FOXO3B: variants seen among roughly 807,000 people sequenced by gnomAD.
FOXO3B encodes the protein forkhead box protein O3B.
A neutral mutation model predicts 21.9 loss-of-function variants in FOXO3B; 15 were observed. The observed-to-expected ratio is 0.68, with a 90% CI of 0.46 to 1.05. The LOEUF (loss-of-function observed/expected upper bound fraction) is 1.05. Ranked by LOEUF, FOXO3B falls within the 50% of genes least tolerant of loss-of-function variation. The pLI is 0.00. For missense variants in FOXO3B, 293 were observed against 435.5 expected (o/e 0.67, Z 2.91); for synonymous variants, 135 against 213.6 (o/e 0.63, Z 3.21).
chr17:18,675,916 A>T (rs201154553), intron 3 of FOXO3B, among the ~76,000 whole-genome samples: 3 of 152,164 alleles, frequency 2.0e-5, no homozygotes, highest in South Asian at 4.1e-4. Context: ...TTAAAAAAAA[A>T]TTTGTTATTA....
intron 3 of FOXO3B, among the ~76,000 whole-genome samples, chr17:18,675,132 C>T (rs1187756142): frequency 1.0e-4 from 15 of 150,276 alleles, no homozygotes; most frequent in African/African-American, 3.7e-4. Flanking sequence ...AAGATACACT[C>T]AGAGAAGTAA....
chr17:18,670,143 T>C lies in FOXO3B; in HGVS notation c.*2166A>G, dbSNP rs1462420436. On this transcript the variant is annotated 3_prime_UTR_variant, in exon 4 of 4. Transcript: ENST00000395675. Reference sequence around the variant, plus strand: ...CCGTAGACCTGGTGCTGGGGTCCCGTCCACAGATCACCCTGACTCAGAACT... The same window carrying C: ...CCGTAGACCTGGTGCTGGGGTCCCGCCCACAGATCACCCTGACTCAGAACT... Among the ~76,000 whole-genome samples the C allele has an allele frequency of 6.6e-6, 1 of 152,130 alleles. No homozygotes were observed. The highest frequency in any genetic ancestry group is 2.4e-5 in the African/African-American group (1 of 41,406).
chr17:18,675,688 T>C (rs572432278), intron 3 of FOXO3B, among the ~76,000 whole-genome samples: 1 of 152,284 alleles, frequency 6.6e-6, no homozygotes, highest in South Asian at 2.1e-4. Flanking sequence ...GCTGAGGAAC[T>C]GGGTTTACCA....
intron 3 of FOXO3B, among the ~76,000 whole-genome samples, chr17:18,678,186 T>C (rs1014465762): frequency 1.2e-4 from 18 of 152,104 alleles, no homozygotes; most frequent in Non-Finnish European, 2.5e-4. Context: ...AACAGAATTA[T>C]AAAAATCACA....
intron 2 of FOXO3B, 136 bp downstream of exon 2, chr17:18,681,479 C>G (rs1307428302): frequency 9.4e-7 from 1 of 1,058,950 alleles, no homozygotes; most frequent in African/African-American, 1.8e-5. Context: ...TTCAGTCTCA[C>G]TTAAAAAGCC....
chr17:18,674,960 C>T (rs1248299860), intron 3 of FOXO3B, among the ~76,000 whole-genome samples: 1 of 152,160 alleles, frequency 6.6e-6, no homozygotes, highest in East Asian at 1.9e-4. Flanking sequence ...GCCTGTACTC[C>T]TCTGGTTCAC....
chr17:18,672,558 T>C lies in FOXO3B; in HGVS notation c.624A>G (p.Thr208=), dbSNP rs967598454. Residue 208 remains threonine (T), a synonymous_variant, in exon 4 of 4, where the codon ACA becomes ACG. Transcript: ENST00000395675. This position sits in a 1 kb window ranked among gnomAD's most constrained non-coding sequence, Gnocchi z 4.2. ...ATAAGGLSGG[T]QALLQPQQPL... is the part of the protein sequence containing the mutation. ...GTTGCTGAGGCTGCAGCAGCGCCTGTGTACCCCCGCTCAGCCCGCCCGCCG... is the reference window on the plus strand; with the variant it reads ...GTTGCTGAGGCTGCAGCAGCGCCTGCGTACCCCCGCTCAGCCCGCCCGCCG... 4 of 1,453,576 alleles carry C rather than the reference T, an allele frequency of 2.8e-6. No homozygotes were observed. The Admixed American group carries it at 8.0e-5, about 29-fold the overall frequency. The allele number at this position is 1,453,576 out of a possible 1,614,324, so 90.0% of individuals were successfully genotyped here. A position where few individuals can be genotyped will look rare whatever the true frequency, so the allele number is the denominator to read the frequency against.
In FOXO3B at chr17:18,669,859, T is replaced by G. The variant is rs2032330826; in HGVS notation, c.*2450A>C. On this transcript the variant is annotated 3_prime_UTR_variant, in exon 4 of 4. Coordinates refer to ENST00000395675, the MANE Select transcript of FOXO3B (RefSeq NM_001368135.1). ...TCAGCATTGACTTGGGTTTTTACTC[T>G]TTGCACATTTCTCACTGCAAGCTTA... 6.6e-6 allele frequency among the ~76,000 whole-genome samples: 1 copy of G among 152,244 alleles called. No individual in the cohort carries two copies. The highest frequency in any genetic ancestry group is 6.5e-5 in the Admixed American group (1 of 15,284).
Position 18,671,197 on chromosome 17 carries a change from T to G in FOXO3B, c.*1112A>C. 2 of 956,412 alleles carry G rather than the reference T, an allele frequency of 2.1e-6. No homozygotes were observed. The highest frequency in any genetic ancestry group is 1.8e-5 in the Admixed American group (1 of 56,854). 59.2% of individuals were successfully genotyped at this position (956,412 alleles called of 1,614,324 possible). A position where few individuals can be genotyped will look rare whatever the true frequency, so the allele number is the denominator to read the frequency against. Reference sequence around the variant, plus strand: ...TCCGAGAGGGTTTGCATAGACTGGCTGACAGGAGACTGCTGCTGGTGTTTG... The same window carrying G: ...TCCGAGAGGGTTTGCATAGACTGGCGGACAGGAGACTGCTGCTGGTGTTTG... On this transcript the variant is annotated 3_prime_UTR_variant, in exon 4 of 4. Transcript: ENST00000395675.
At position 18,672,058 on chromosome 17, in the gene FOXO3B, T is replaced by C; in HGVS notation, c.*251A>G. On this transcript the variant is annotated 3_prime_UTR_variant, in exon 4 of 4. Transcript: ENST00000395675. This position sits in a 1 kb window ranked among gnomAD's most constrained non-coding sequence, Gnocchi z 4.2. ...GCGTGACGTGGGGCTGCCAGACCAC[T>C]TGGAGAGCTGGGAGGGACTGTCGTC... The C allele has an allele frequency of 2.5e-6, 4 of 1,611,276 alleles. No homozygotes were observed. The highest frequency in any genetic ancestry group is 3.4e-6 in the Non-Finnish European group (4 of 1,178,612).
intron 3 of FOXO3B, among the ~76,000 whole-genome samples, chr17:18,675,750 A>G (rs2032471856): frequency 6.6e-6 from 1 of 152,180 alleles, no homozygotes; most frequent in Non-Finnish European, 1.5e-5. Flanking sequence ...ACAATGCTGG[A>G]CTTATTGGCT....
At position 18,680,755 on chromosome 17, in the gene FOXO3B, T is replaced by G. The variant is rs751284013; in HGVS notation, c.112A>C (p.Thr38Pro). The change falls in exon 3 of 4, where the codon ACG (threonine) becomes CCG (proline). Residue 38 changes from threonine to proline, a missense_variant. By Grantham distance (38) the Thr-to-Pro change is conservative. Transcript: ENST00000395675. ...EEGEVAALRLTARSQAAAAAA... is the reference protein window; with the variant it reads ...EEGEVAALRLPARSQAAAAAA... Reference sequence around the variant, plus strand: ...GACTCACTCACCTGGGATCTGGCCGTGAGGCGCAGAGCAGCCACTTCTCCC... The same window carrying G: ...GACTCACTCACCTGGGATCTGGCCGGGAGGCGCAGAGCAGCCACTTCTCCC... 2 of 1,613,960 alleles carry G rather than the reference T, an allele frequency of 1.2e-6. No individual in the cohort carries two copies. The highest frequency in any genetic ancestry group is 1.7e-6 in the Non-Finnish European group (2 of 1,179,962).
At chr17:18,679,007 A>G (rs1457747480) in intron 3 of FOXO3B, among the ~76,000 whole-genome samples, 3 of 151,386 alleles carry the variant, frequency 2.0e-5, no homozygotes, top group Non-Finnish European at 4.4e-5. Context: ...GGCCTTCAAC[A>G]CAGGAAGATG....
chr17:18,680,274 C>T (rs1251464390), intron 3 of FOXO3B, among the ~76,000 whole-genome samples: 16 of 152,350 alleles, frequency 1.1e-4, no homozygotes, highest in South Asian at 2.1e-4. Flanking sequence ...CTTTAAATTA[C>T]GCCTTCATAG....
Position 18,670,877 on chromosome 17 carries a change from G to T in FOXO3B, c.*1432C>A, listed in dbSNP as rs1484927080. 2 of 1,587,168 alleles carry T rather than the reference G, an allele frequency of 1.3e-6. No homozygotes were observed. Among genetic ancestry groups the T allele is most frequent in the Admixed American group, 1.7e-5 (1 of 57,642 alleles). On this transcript the variant is annotated 3_prime_UTR_variant, in exon 4 of 4. Transcript: ENST00000395675. ...TTGTGTCAGTTTGAGGGTCTGCTTTGCCCACTTCCCCTTCCTCAGTGATCC... is the reference window on the plus strand; with the variant it reads ...TTGTGTCAGTTTGAGGGTCTGCTTTTCCCACTTCCCCTTCCTCAGTGATCC...
intron 3 of FOXO3B, among the ~76,000 whole-genome samples, chr17:18,680,497 G>A (rs1438563803): frequency 1.3e-5 from 2 of 151,618 alleles, no homozygotes; most frequent in Non-Finnish European, 2.9e-5. Context: ...GCTAAGAAAG[G>A]GAAATGCTGC....
At position 18,673,100 on chromosome 17, in the gene FOXO3B, G is replaced by A. The variant is rs993239047; in HGVS notation, c.127-45C>T. 16 of 1,448,912 alleles carry A rather than the reference G, an allele frequency of 1.1e-5. No homozygotes were observed. The Admixed American group carries it at 2.8e-4, about 25-fold the overall frequency. The allele number at this position is 1,448,912 out of a possible 1,614,324, so 89.8% of individuals were successfully genotyped here. ...GAGAGAAGGAGAGTTGGTTATCCCCGGCCGGAGCCCCGTCCTCGGCGAGTC... is the reference window on the plus strand; with the variant it reads ...GAGAGAAGGAGAGTTGGTTATCCCCAGCCGGAGCCCCGTCCTCGGCGAGTC... On this transcript the variant is annotated intron_variant, in intron 3 of 3. Coordinates refer to ENST00000395675, the MANE Select transcript of FOXO3B (RefSeq NM_001368135.1).
Position 18,674,413 on chromosome 17 carries a change from C to T in FOXO3B, c.127-1358G>A, listed in dbSNP as rs558363350. Among the ~76,000 whole-genome samples the T allele has an allele frequency of 1.8e-4, 27 of 148,626 alleles. No individual in the cohort carries two copies. The South Asian group carries it at 1.9e-3, about 11-fold the overall frequency. ...GGCCAAGGAGGGCGGATCACGAGGT[C>T]AGGAGATCGAGATCATCCTGGCTAA... On this transcript the variant is annotated intron_variant, in intron 3 of 3. Transcript: ENST00000395675.
Position 18,673,002 on chromosome 17 carries a change from G to T in FOXO3B, c.180C>A (p.Val60=), listed in dbSNP as rs991501866. The change falls in exon 4 of 4, where the codon GTC becomes GTA. Residue 60 remains valine, a synonymous_variant. Coordinates refer to ENST00000395675, the MANE Select transcript of FOXO3B (RefSeq NM_001368135.1). Reference sequence around the variant, plus strand: ...CCGGGGCGGGGTGCAGCGGGGGAGGGACGTGGACGCCGCGAAGGCTCCGGC... The same window carrying T: ...CCGGGGCGGGGTGCAGCGGGGGAGGTACGTGGACGCCGCGAAGGCTCCGGC... ...PGSRSLRGVH[V]PPPLHPAPAR... is the part of the protein sequence containing the mutation. The T allele has an allele frequency of 3.4e-6, 5 of 1,467,060 alleles. No homozygotes were observed. In the Admixed American group the frequency reaches 9.5e-5, roughly 28 times the overall value. The allele number at this position is 1,467,060 out of a possible 1,614,324, so 90.9% of individuals were successfully genotyped here. A position where few individuals can be genotyped will look rare whatever the true frequency, so the allele number is the denominator to read the frequency against.
Sources: allele counts gnomAD v4.1 joint callset (sites outside exome capture counted in the v4.1 genomes callset), GRCh38; gene constraint gnomAD v4.1.1; non-coding constraint Gnocchi (gnomAD v3.1); transcripts MANE v1.5; gene names NCBI Gene and HGNC (gene_info 2026-07-23, HGNC 2026-07-21).